Variants in SGCD observed in about 807,000 individuals in gnomAD.
SGCD encodes sarcoglycan delta.
A neutral mutation model predicts 36.6 loss-of-function variants in SGCD; 18 were observed. The observed-to-expected ratio is 0.49, with a 90% CI of 0.34 to 0.73. The LOEUF is 0.73. Ranked by LOEUF, SGCD falls within the 30% of genes least tolerant of loss-of-function variation. The pLI, the probability that SGCD is intolerant of heterozygous loss-of-function variation, is 0.01. For synonymous variants in SGCD, 133 were observed against 130.6 expected (o/e 1.02, Z -0.12); for missense variants, 387 against 346.7 (o/e 1.12, Z -0.92).
intron 1 of SGCD, among the ~76,000 whole-genome samples, chr5:155,971,307 C>T (rs1417520149): frequency 6.6e-6 from 1 of 152,116 alleles, no homozygotes; most frequent in Non-Finnish European, 1.5e-5. Context: ...CAAAGTTCTC[C>T]TCTAATCCAT....
Position 156,543,202 on chromosome 5 carries a change from A to G in SGCD, c.294+34500A>G, listed in dbSNP as rs559416133. The stretch of plus-strand genomic sequence containing the variant: ...TTGCGGGAGCTGTCCTGTGCACTGT[A>G]GGATCAGTGGTTTCTACTCAGTATG... On this transcript the variant is annotated intron_variant, in intron 4 of 8. Transcript: ENST00000337851. Among the ~76,000 whole-genome samples, 6 of 152,316 alleles carry G rather than the reference A, an allele frequency of 3.9e-5. No individual in the cohort carries two copies. In the East Asian group the frequency reaches 1.2e-3, roughly 29 times the overall value.
At chr5:155,863,222 C>T in the SGCD span, among the ~76,000 whole-genome samples, 8 of 152,132 alleles carry the variant, frequency 5.3e-5, no homozygotes, top group African/African-American at 1.7e-4. Flanking sequence ...GAATAATGGC[C>T]GCCCCTGCAG....
chr5:155,816,965 T>C, the SGCD span, among the ~76,000 whole-genome samples: 1 of 152,322 alleles, frequency 6.6e-6, no homozygotes, highest in Admixed American at 6.5e-5. Flanking sequence ...TTTTCATTTT[T>C]ATATGGTGCT....
At position 156,161,066 on chromosome 5, in the gene SGCD, A is replaced by C. The variant is rs907767497; in HGVS notation, c.-44+37047A>C. On this transcript the variant is annotated intron_variant, in intron 3 of 9. Coordinates refer to the SGCD transcript ENST00000517913. ...TGGATTACCCTTATAGCCTGCTTAG[A>C]TATTGGCATAATACATTTCTTTACC... Among the ~76,000 whole-genome samples the C allele has an allele frequency of 2.6e-5, 4 of 151,762 alleles. 1 individual carries two copies. Among genetic ancestry groups the C allele is most frequent in the African/African-American group, 9.7e-5 (4 of 41,044 alleles).
the SGCD span, among the ~76,000 whole-genome samples, chr5:155,753,408 A>G: frequency 1.8e-4 from 27 of 152,034 alleles, no homozygotes; most frequent in Admixed American, 1.6e-3. Flanking sequence ...TTATCAAAGT[A>G]CCTGGACTTT....
chr5:156,520,867 A>T (rs1291027732), intron 4 of SGCD, among the ~76,000 whole-genome samples: 1 of 151,974 alleles, frequency 6.6e-6, no homozygotes. Context: ...AATACAAAAA[A>T]ATAGCTGGGT....
intron 1 of SGCD, among the ~76,000 whole-genome samples, chr5:155,874,846 C>G (rs1196218224): frequency 2.0e-5 from 3 of 152,118 alleles, no homozygotes; most frequent in Non-Finnish European, 4.4e-5. Context: ...CTTTGGAAAA[C>G]AGTTTAACAG....
At chr5:155,970,149 C>T (rs1468312868) in intron 1 of SGCD, among the ~76,000 whole-genome samples, 1 of 151,878 alleles carries the variant, frequency 6.6e-6, no homozygotes, top group Non-Finnish European at 1.5e-5. Context: ...GTGAGAGATC[C>T]CCTTTACTAA....
chr5:156,730,094 AAAGAC>A (rs1438991445), intron 7 of SGCD, among the ~76,000 whole-genome samples: 1 of 152,226 alleles, frequency 6.6e-6, no homozygotes, highest in African/African-American at 2.4e-5. Context: ...GACCTACACT[AAAGAC>A]AATATACACA....
chr5:156,725,675 G>A (rs1307604543), intron 7 of SGCD, among the ~76,000 whole-genome samples: 1 of 152,152 alleles, frequency 6.6e-6, no homozygotes. Context: ...TCTTGCCCCA[G>A]GTAAAATATC....
intron 4 of SGCD, among the ~76,000 whole-genome samples, chr5:156,568,921 T>C (rs1271858387): frequency 6.6e-6 from 1 of 152,222 alleles, no homozygotes; most frequent in Admixed American, 6.5e-5. Flanking sequence ...TAGAATACCA[T>C]GAAATCATTA....
chr5:156,604,726 A>ATATATGTATATATACATATATACACATTT (rs544366512), intron 6 of SGCD, among the ~76,000 whole-genome samples: 70,506 of 108,834 alleles, frequency 0.65, 26,620 homozygotes, highest in Non-Finnish European at 0.74. Flanking sequence ...TATGCACATT[A>ATATATGTATATATACATATATACACATTT]TATATGTATA....
At chr5:156,171,193 C>T (rs749923636) in intron 3 of SGCD, among the ~76,000 whole-genome samples, 11 of 152,130 alleles carry the variant, frequency 7.2e-5, no homozygotes, top group Non-Finnish European at 1.0e-4. Context: ...TACTTAAGAA[C>T]AAATCTCAGA....
At chr5:156,611,612 G>A (rs928751560) in intron 6 of SGCD, among the ~76,000 whole-genome samples, 1 of 152,060 alleles carries the variant, frequency 6.6e-6, no homozygotes, top group African/African-American at 2.4e-5. Context: ...GAATCTTTTT[G>A]CTTCCTGGAT....
chr5:156,268,864 G>T (rs1766075878), intron 3 of SGCD, among the ~76,000 whole-genome samples: 1 of 152,136 alleles, frequency 6.6e-6, no homozygotes, highest in African/African-American at 2.4e-5. Flanking sequence ...AAAGTGCTGG[G>T]ATTACAGGCA....
Position 156,757,598 on chromosome 5 carries a change from G to T in SGCD, c.593G>T (p.Arg198Leu), listed in dbSNP as rs750459196. 1.2e-6 allele frequency: 2 copies of T among 1,609,362 alleles called. No individual in the cohort carries two copies. The highest frequency in any genetic ancestry group is 1.7e-5 in the Admixed American group (1 of 59,570). ...FKELRLESPTRSLVMEAPKGV... is the reference protein window; with the variant it reads ...FKELRLESPTLSLVMEAPKGV... ...TTTTTCAGGTTGGAGTCCCCAACCC[G>T]GTCTCTAGTGATGGAGGCCCCAAAA... The change falls in exon 8 of 9, where the codon CGG (arginine) becomes CTG (leucine). Residue 198 changes from arginine (R) to leucine (L), a missense_variant. Physicochemically the swap from Arg to Leu is moderately radical, Grantham distance 102. Coordinates refer to ENST00000337851, the MANE Select transcript of SGCD (RefSeq NM_000337.6).
the SGCD span, among the ~76,000 whole-genome samples, chr5:155,808,872 A>AT: frequency 3.3e-5 from 5 of 152,246 alleles, no homozygotes; most frequent in African/African-American, 4.8e-5. Context: ...CATAGTTACA[A>AT]AGAGACAGAT....
intron 3 of SGCD, among the ~76,000 whole-genome samples, chr5:156,464,778 C>G (rs1007558243): frequency 1.3e-5 from 2 of 151,992 alleles, no homozygotes; most frequent in Non-Finnish European, 2.9e-5. Context: ...ATGAATGTTC[C>G]GTGTTATGTT....
chr5:156,650,871 T>C (rs1432668569), intron 7 of SGCD, among the ~76,000 whole-genome samples: 1 of 152,202 alleles, frequency 6.6e-6, no homozygotes, highest in Non-Finnish European at 1.5e-5. Context: ...CTCGGTCAGT[T>C]AGTAATTGCG....
Sources: allele counts gnomAD v4.1 joint callset (sites outside exome capture counted in the v4.1 genomes callset), GRCh38; gene constraint gnomAD v4.1.1; transcripts MANE v1.5; gene names NCBI Gene and HGNC (gene_info 2026-07-23, HGNC 2026-07-21).